NFATC2: variants seen among roughly 807,000 people sequenced by gnomAD.
The protein encoded by NFATC2 is nuclear factor of activated T-cells, cytoplasmic 2.
NFATC2 carries 22 observed loss-of-function variants against 87.3 expected under a neutral mutation model. That is an observed-to-expected ratio of 0.25 (90% CI 0.18 to 0.36). The LOEUF is 0.36. Among genes scored for constraint, NFATC2 ranks in the 10% least tolerant of loss-of-function variants. The pLI, the probability that NFATC2 is intolerant of heterozygous loss-of-function variation, is 1.00. For synonymous variants in NFATC2, 565 were observed against 542.2 expected, an observed-to-expected ratio of 1.04 and a Z score of -0.58; for missense variants, 1,149 against 1,259.1, an observed-to-expected ratio of 0.91 and a Z score of 1.32.
intron 5 of NFATC2, among the ~76,000 whole-genome samples, chr20:51,471,523 T>A (rs1988198358): frequency 6.6e-6 from 1 of 152,152 alleles, no homozygotes; most frequent in African/African-American, 2.4e-5. Flanking sequence ...TCTTCTAAGA[T>A]CAGAATACAA....
At chr20:51,514,274 G>A (rs183107536) in intron 3 of NFATC2, among the ~76,000 whole-genome samples, 3 of 152,320 alleles carry the variant, frequency 2.0e-5, no homozygotes, top group Admixed American at 1.3e-4. Context: ...ATCAGTGAAT[G>A]AAGATGCCAC....
At chr20:51,503,729 C>T (rs772285190) in intron 3 of NFATC2, among the ~76,000 whole-genome samples, 22 of 152,234 alleles carry the variant, frequency 1.4e-4, no homozygotes, top group Non-Finnish European at 2.9e-4. Context: ...GGCCTTCAGG[C>T]TGCTGTAGCC....
upstream of NFATC2, chr20:51,542,740 CCGGGGAGGCGGGGGGGGGGGGGG>C: frequency 4.1e-5 from 5 of 122,988 alleles, no homozygotes; most frequent in Non-Finnish European, 3.6e-5. Flanking sequence ...CTGTTGCAGC[CCGGGGAGGCGGGGGGGGGGGGGG>C]CGTGGAGGCG....
At chr20:51,418,645 T>C (rs931950782) in intron 9 of NFATC2, among the ~76,000 whole-genome samples, 14 of 151,770 alleles carry the variant, frequency 9.2e-5, no homozygotes, top group Non-Finnish European at 1.6e-4. Flanking sequence ...AGGTTTTCTT[T>C]TGTTGTTTGT....
chr20:51,449,674 AGGTGTGG>A (rs1985526799), intron 6 of NFATC2, among the ~76,000 whole-genome samples: 2 of 152,290 alleles, frequency 1.3e-5, no homozygotes, highest in African/African-American at 4.8e-5. Context: ...GCAGAGTCCA[AGGTGTGG>A]GGTCTAGAGC....
intron 3 of NFATC2, among the ~76,000 whole-genome samples, chr20:51,513,962 G>A (rs777776653): frequency 6.6e-6 from 1 of 152,198 alleles, no homozygotes; most frequent in African/African-American, 2.4e-5. Flanking sequence ...TAGAGCTTGC[G>A]GTATCCAAAT....
chr20:51,476,075 C>CTT (rs10599453), intron 3 of NFATC2, among the ~76,000 whole-genome samples: 7 of 141,132 alleles, frequency 5.0e-5, no homozygotes, highest in Non-Finnish European at 1.1e-4. Context: ...ACTGTCACTT[C>CTT]TTTTTTTTTT....
In NFATC2 at chr20:51,490,160, G is replaced by A. The variant is rs562324815; in HGVS notation, c.1333-14500C>T. 1.9e-4 allele frequency among the ~76,000 whole-genome samples: 29 copies of A among 152,248 alleles called. 1 individual carries two copies. The highest frequency in any genetic ancestry group is 5.8e-4 in the African/African-American group (24 of 41,556). ...ACAATGACAGCTAATAATGTATTGCGTGCTTGCTAAATACAGGGCATTGTG... is the reference window on the plus strand; with the variant it reads ...ACAATGACAGCTAATAATGTATTGCATGCTTGCTAAATACAGGGCATTGTG... On this transcript the variant is annotated intron_variant, in intron 3 of 10. Transcript: ENST00000371564.
chr20:51,391,246 T>A lies in NFATC2; in HGVS notation c.*250A>T. The A allele has an allele frequency of 1.2e-6, 1 of 814,190 alleles. No homozygotes were observed. The highest frequency in any genetic ancestry group is 1.7e-5 in the African/African-American group (1 of 59,506). 50.4% of individuals were successfully genotyped at this position (814,190 alleles called of 1,614,324 possible). ...TGGTGTTTAGAGGGAGGTGGCGAGCTCCTTAAGTGAGAGTCCGCTTAGTGC... is the reference window on the plus strand; with the variant it reads ...TGGTGTTTAGAGGGAGGTGGCGAGCACCTTAAGTGAGAGTCCGCTTAGTGC... On this transcript the variant is annotated 3_prime_UTR_variant, in exon 11 of 11. Coordinates refer to ENST00000371564, the MANE Select transcript of NFATC2 (RefSeq NM_012340.5).
intron 9 of NFATC2, among the ~76,000 whole-genome samples, chr20:51,422,394 A>T (rs1981065564): frequency 6.6e-6 from 1 of 152,160 alleles, no homozygotes; most frequent in South Asian, 2.1e-4. Flanking sequence ...CTTTGACTTC[A>T]TCTAGAGAAA....
intron 3 of NFATC2, among the ~76,000 whole-genome samples, chr20:51,510,251 T>C (rs934441707): frequency 6.6e-6 from 1 of 152,146 alleles, no homozygotes; most frequent in African/African-American, 2.4e-5. Context: ...GTGCAGAATA[T>C]GGTTAAAGGG....
Position 51,389,790 on chromosome 20 carries a change from G to C in NFATC2, c.*1706C>G, listed in dbSNP as rs1036660890. 2.6e-5 allele frequency: 4 copies of C among 152,156 alleles called. No homozygotes were observed. Among genetic ancestry groups the C allele is most frequent in the African/African-American group, 4.8e-5 (2 of 41,414 alleles). The allele number at this position is 152,156 out of a possible 1,614,324, so 9.4% of individuals were successfully genotyped here. On this transcript the variant is annotated 3_prime_UTR_variant, in exon 11 of 11. Coordinates refer to ENST00000371564, the MANE Select transcript of NFATC2 (RefSeq NM_012340.5). ...TTACCTCTGGGTAACCTTGACGGGAGAGCCAGGACTTACAAAGCCCACAGT... is the reference window on the plus strand; with the variant it reads ...TTACCTCTGGGTAACCTTGACGGGACAGCCAGGACTTACAAAGCCCACAGT...
chr20:51,532,984 A>C (rs935129541), intron 1 of NFATC2, among the ~76,000 whole-genome samples: 4 of 152,136 alleles, frequency 2.6e-5, no homozygotes, highest in African/African-American at 9.7e-5. Flanking sequence ...AGCTGATCCG[A>C]CCCACGGCTT....
chr20:51,441,361 T>G (rs1984313273), intron 6 of NFATC2, among the ~76,000 whole-genome samples: 1 of 152,102 alleles, frequency 6.6e-6, no homozygotes, highest in South Asian at 2.1e-4. Context: ...TCCCCAAAGT[T>G]TACTCACTGT....
Position 51,391,401 on chromosome 20 carries a change from T to G in NFATC2, c.*95A>C. On this transcript the variant is annotated 3_prime_UTR_variant, in exon 11 of 11. Coordinates refer to ENST00000371564, the MANE Select transcript of NFATC2 (RefSeq NM_012340.5). ...TCTTGCTATAATGGCTTCTTTTACG[T>G]CTGATTTCTGGCAGGAGGTCCTGAA... 6.3e-7 allele frequency: 1 copy of G among 1,580,446 alleles called. No homozygotes were observed. Among genetic ancestry groups the G allele is most frequent in the Non-Finnish European group, 8.6e-7 (1 of 1,161,182 alleles).
At chr20:51,555,434 A>C (rs2076969486) in intron 1 of NFATC2, among the ~76,000 whole-genome samples, 1 of 152,088 alleles carries the variant, frequency 6.6e-6, no homozygotes, top group Non-Finnish European at 1.5e-5. Context: ...TCTACTAAAA[A>C]TACAAAAAAT....
intron 5 of NFATC2, among the ~76,000 whole-genome samples, chr20:51,463,514 T>C (rs934961398): frequency 6.6e-6 from 1 of 152,184 alleles, no homozygotes; most frequent in Non-Finnish European, 1.5e-5. Context: ...ATCAGATCAT[T>C]ACTCTACCAT....
At position 51,432,330 on chromosome 20, in the gene NFATC2, A is replaced by G. The variant is rs1202456530; in HGVS notation, c.2459T>C (p.Leu820Pro). The change falls in exon 9 of 11, where the codon CTG becomes CCG. Residue 820 changes from leucine to proline, a missense_variant. Physicochemically the swap from Leu to Pro is moderately conservative, Grantham distance 98. Around this residue, in one of 3 missense-constraint regions of NFATC2, gnomAD observed 581 missense variants for 649.7 expected, o/e 0.89. Coordinates refer to ENST00000371564, the MANE Select transcript of NFATC2 (RefSeq NM_012340.5). The surrounding 1 kb of genome is among the most constrained non-coding windows in gnomAD (Gnocchi z 4.6). ...GAACTCCTGGTGGCTTCCGCAGCGC[A>G]GCTGCTGGTTGGTGGGTGAGTAGTG... ...VIHYSPTNQQ[L>P]RCGSHQEFQH... is the part of the protein sequence containing the mutation. 6.2e-7 allele frequency: 1 copy of G among 1,614,164 alleles called. No homozygotes were observed. The highest frequency in any genetic ancestry group is 8.5e-7 in the Non-Finnish European group (1 of 1,180,028).
Position 51,523,310 on chromosome 20 carries a change from C to A in NFATC2, c.931G>T (p.Ala311Ser). The part of the protein sequence containing the change: ...AVIMDALNSL[A>S]TDSPCGIPPK... ...GGGATCCCACAAGGCGAGTCCGTGGCGAGGCTGTTCAGGGCATCCATGATC... is the reference window on the plus strand; with the variant it reads ...GGGATCCCACAAGGCGAGTCCGTGGAGAGGCTGTTCAGGGCATCCATGATC... The change falls in exon 2 of 11, where the codon GCC becomes TCC. Residue 311 changes from alanine to serine, a missense_variant. Physicochemically the swap from Ala to Ser is moderately conservative, Grantham distance 99 (BLOSUM62 1). This residue lies in a region of NFATC2 where 563 missense variants were observed against 585.2 expected (regional missense o/e 0.96). Transcript: ENST00000371564. This position sits in a 1 kb window ranked among gnomAD's most constrained non-coding sequence, Gnocchi z 6.9. 6.2e-7 allele frequency: 1 copy of A among 1,613,572 alleles called. No homozygotes were observed. The highest frequency in any genetic ancestry group is 8.5e-7 in the Non-Finnish European group (1 of 1,179,748).
Sources: gnomAD v4.1 joint callset for allele counts (sites outside exome capture counted in the v4.1 genomes callset) on GRCh38, gnomAD v4.1.1 for gene constraint, gnomAD v4.1.1 regional missense constraint, Gnocchi (gnomAD v3.1) non-coding constraint, MANE v1.5 for transcripts, NCBI Gene and HGNC (gene_info 2026-07-23, HGNC 2026-07-21) for gene names.